RFX3: variants seen among roughly 807,000 people sequenced by gnomAD.
RFX3 encodes regulatory factor X3.
A neutral mutation model predicts 98.6 loss-of-function variants in RFX3; 14 were observed. That is an observed-to-expected ratio of 0.14 (90% CI 0.09 to 0.22). The LOEUF (loss-of-function observed/expected upper bound fraction) is 0.22, where lower values mean the gene tolerates loss of function less well. RFX3 is among the 10% of genes least tolerant of loss of function. RFX3 has a pLI of 1.00. For missense variants in RFX3, 639 were observed against 926.9 expected (o/e 0.69, Z 4.03); for synonymous variants, 383 against 328.4 (o/e 1.17, Z -1.80).
At chr9:3,449,502 C>T (rs976049324) in intron 1 of RFX3, among the ~76,000 whole-genome samples, 2 of 152,196 alleles carry the variant, frequency 1.3e-5, no homozygotes, top group African/African-American at 4.8e-5. Context: ...TGTACACTAT[C>T]AGTTTATTTG....
At chr9:3,276,228 C>T (rs528515019) in intron 8 of RFX3, among the ~76,000 whole-genome samples, 22 of 152,072 alleles carry the variant, frequency 1.4e-4, no homozygotes, top group Non-Finnish European at 3.1e-4. Flanking sequence ...GGCTGCTTCT[C>T]CTATTACTCT....
intron 1 of RFX3, among the ~76,000 whole-genome samples, chr9:3,448,154 C>T (rs1049794655): frequency 1.3e-5 from 2 of 149,980 alleles, no homozygotes; most frequent in Admixed American, 1.3e-4. Flanking sequence ...TAAACATAAA[C>T]ACATGATTTA....
intron 1 of RFX3, among the ~76,000 whole-genome samples, chr9:3,407,199 T>A (rs1842044869): frequency 6.6e-6 from 1 of 152,174 alleles, no homozygotes; most frequent in African/African-American, 2.4e-5. Context: ...TATTTGAGCT[T>A]GGTAACATTC....
At chr9:3,247,689 C>T (rs1820864265) in intron 15 of RFX3, 23 of 1,488,518 alleles carry the variant, frequency 1.5e-5, no homozygotes, top group Non-Finnish European at 2.0e-5. Flanking sequence ...CATTGTATTC[C>T]CAGCCCTTTG....
chr9:3,264,940 G>A (rs1165397852), intron 12 of RFX3, among the ~76,000 whole-genome samples: 1 of 152,180 alleles, frequency 6.6e-6, no homozygotes, highest in Non-Finnish European at 1.5e-5. Context: ...GCTGTTTGAG[G>A]TATTGTTACA....
At chr9:3,270,967 C>T (rs781225515) in intron 10 of RFX3, 36 bp downstream of exon 10, 3 of 1,613,364 alleles carry the variant, frequency 1.9e-6, no homozygotes, top group South Asian at 1.1e-5. Flanking sequence ...ATCTACTCAG[C>T]CATGAAAATG....
intron 1 of RFX3, among the ~76,000 whole-genome samples, chr9:3,407,903 G>C (rs1052934983): frequency 1.3e-5 from 2 of 152,092 alleles, no homozygotes; most frequent in African/African-American, 2.4e-5. Context: ...ATACAGATAG[G>C]CTTGTTGGAA....
At chr9:3,452,132 T>A (rs1294789306) in intron 1 of RFX3, among the ~76,000 whole-genome samples, 3 of 150,430 alleles carry the variant, frequency 2.0e-5, no homozygotes, top group Non-Finnish European at 4.4e-5. Flanking sequence ...CCTATGGGGA[T>A]GGTGGGTAAT....
At chr9:3,500,753 A>C (rs1815915167) in intron 1 of RFX3, among the ~76,000 whole-genome samples, 1 of 152,190 alleles carries the variant, frequency 6.6e-6, no homozygotes, top group Admixed American at 6.5e-5. Flanking sequence ...TAAAGTTATT[A>C]AAGTCAGATT....
chr9:3,457,506 T>C (rs757825672), intron 1 of RFX3, among the ~76,000 whole-genome samples: 2 of 152,192 alleles, frequency 1.3e-5, no homozygotes, highest in East Asian at 3.8e-4. Flanking sequence ...AGGAGTTCCA[T>C]AACTCTGCTT....
At chr9:3,284,243 A>G (rs79632814) in intron 7 of RFX3, among the ~76,000 whole-genome samples, 2,410 of 151,852 alleles carry the variant, frequency 0.016, 67 homozygotes, top group African/African-American at 0.055. Context: ...ATACATGCCA[A>G]TACTCTCTGT....
intron 15 of RFX3, among the ~76,000 whole-genome samples, chr9:3,233,417 T>C (rs1463838750): frequency 1.3e-5 from 2 of 152,200 alleles, no homozygotes; most frequent in Admixed American, 1.3e-4. Flanking sequence ...GTACATTCAA[T>C]TCAGCAACAG....
chr9:3,307,329 A>G (rs1160078828), intron 4 of RFX3, among the ~76,000 whole-genome samples: 3 of 152,114 alleles, frequency 2.0e-5, no homozygotes, highest in Non-Finnish European at 4.4e-5. Flanking sequence ...GTTCAATTAT[A>G]TAGGATGTGG....
rs558503258 is a variant in RFX3, at chr9:3,224,867, T to TA, written c.*174dup. On this transcript the variant is annotated 3_prime_UTR_variant, in exon 17 of 17. Transcript: ENST00000617270. ...TAAGAAGCAAATAATTTGTTTACGT[T>TA]AAAAAAAAAGATCTGGCAAAATACA... 3,299 of 526,600 alleles carry TA rather than the reference T, an allele frequency of 6.3e-3. 5 individuals carry two copies. The highest frequency in any genetic ancestry group is 0.01 in the Middle Eastern group (19 of 1,886). The allele number at this position is 526,600 out of a possible 1,614,324, so 32.6% of individuals were successfully genotyped here. A position where few individuals can be genotyped will look rare whatever the true frequency, so the allele number is the denominator to read the frequency against.
intron 4 of RFX3, among the ~76,000 whole-genome samples, chr9:3,319,077 T>C (rs1291036811): frequency 6.6e-6 from 1 of 152,238 alleles, no homozygotes; most frequent in Non-Finnish European, 1.5e-5. Flanking sequence ...TTAAACTCCA[T>C]CTTACATTTT....
intron 4 of RFX3, 108 bp downstream of exon 4, chr9:3,330,151 C>G (rs13299535): frequency 0.046 from 51,634 of 1,134,128 alleles, 1,413 homozygotes; most frequent in Non-Finnish European, 0.053. Flanking sequence ...CTATCCAACA[C>G]ATTCTTGCCC....
In RFX3 at chr9:3,284,659, G is replaced by A. The variant is rs116356710; in HGVS notation, c.851+3472C>T. ...TGCCTAGGTCCATTTGCCCCTCCAC[G>A]GAGTGTCCACAAACTGTTGTACTGA... On this transcript the variant is annotated intron_variant, in intron 7 of 16. Transcript: ENST00000617270. Among the ~76,000 whole-genome samples the A allele has an allele frequency of 9.3e-3, 1,418 of 151,658 alleles. 19 individuals carry two copies. The highest frequency in any genetic ancestry group is 0.033 in the African/African-American group (1,351 of 41,470).
At chr9:3,295,613 C>A (rs1827894634) in intron 5 of RFX3, among the ~76,000 whole-genome samples, 1 of 152,048 alleles carries the variant, frequency 6.6e-6, no homozygotes, top group Non-Finnish European at 1.5e-5. Flanking sequence ...CATCCACAAG[C>A]ATGGAACACA....
rs1312961345 is a variant in RFX3, at chr9:3,225,239, C to T, written c.2053G>A (p.Asp685Asn). 1 of 1,613,794 alleles carries T rather than the reference C, an allele frequency of 6.2e-7. No individual in the cohort carries two copies. Among genetic ancestry groups the T allele is most frequent in the Non-Finnish European group, 8.5e-7 (1 of 1,179,898 alleles). The change falls in exon 17 of 17, where the codon GAT (aspartate) becomes AAT (asparagine). Residue 685 changes from aspartate (D) to asparagine (N), a missense_variant. Asp to Asn is a conservative substitution (Grantham distance 23). Coordinates refer to ENST00000617270, the MANE Select transcript of RFX3 (RefSeq NM_001282116.2). ...TTGGCTTGAGGCTCTGAAGAGTCAT[C>T]CAGTTCTTCATCCATTTCACTTTCT... ...EVESEMDEEL[D>N]DSSEPQAKRE... is the part of the protein sequence containing the mutation.
Sources: gnomAD v4.1 joint callset for allele counts (sites outside exome capture counted in the v4.1 genomes callset) on GRCh38, gnomAD v4.1.1 for gene constraint, MANE v1.5 for transcripts, NCBI Gene and HGNC (gene_info 2026-07-23, HGNC 2026-07-21) for gene names.